Variants in CSGALNACT1 observed in about 807,000 individuals in gnomAD.
CSGALNACT1 encodes beta4GalNAcT-1.
CSGALNACT1 carries 52 observed loss-of-function variants against 51.0 expected under a neutral mutation model. That is an observed-to-expected ratio of 1.02 (90% CI 0.82 to 1.29). The LOEUF is 1.29. Ranked by LOEUF, CSGALNACT1 falls within the 50% of genes most tolerant of loss-of-function variation. The pLI, the probability that CSGALNACT1 is intolerant of heterozygous loss-of-function variation, is 0.00. For missense variants in CSGALNACT1, 935 were observed against 679.2 expected (o/e 1.38, Z -4.19); for synonymous variants, 341 against 254.4 (o/e 1.34, Z -3.24).
intron 4 of CSGALNACT1, among the ~76,000 whole-genome samples, chr8:19,481,960 C>CT (rs1318844432): frequency 3.3e-5 from 5 of 151,916 alleles, no homozygotes; most frequent in African/African-American, 9.7e-5. Flanking sequence ...GTGCAGGGGG[C>CT]TTTTTTTTCC....
At chr8:19,666,811 G>GAAAA (rs35734602) in intron 1 of CSGALNACT1, among the ~76,000 whole-genome samples, 2 of 26,412 alleles carry the variant, frequency 7.6e-5, no homozygotes, top group South Asian at 1.5e-3. Context: ...AAGAAAGAAA[G>GAAAA]AGAGAGAGAG....
At chr8:19,723,203 T>C (rs1426120350) in intron 1 of CSGALNACT1, among the ~76,000 whole-genome samples, 3 of 152,224 alleles carry the variant, frequency 2.0e-5, no homozygotes, top group African/African-American at 7.2e-5. Context: ...TCAGTCTTAT[T>C]TCCCTTATTT....
intron 1 of CSGALNACT1, among the ~76,000 whole-genome samples, chr8:19,750,722 G>T (rs2064976880): frequency 6.6e-6 from 1 of 152,178 alleles, no homozygotes; most frequent in Admixed American, 6.5e-5. Context: ...CTCCTGCACT[G>T]TCTTCACATC....
At chr8:19,418,164 T>G (rs1235105331) in intron 8 of CSGALNACT1, among the ~76,000 whole-genome samples, 1 of 152,138 alleles carries the variant, frequency 6.6e-6, no homozygotes, top group African/African-American at 2.4e-5. Context: ...AAGGGAACGG[T>G]GGCATGACGG....
chr8:19,731,010 A>C (rs1009358868), intron 1 of CSGALNACT1, among the ~76,000 whole-genome samples: 13 of 152,186 alleles, frequency 8.5e-5, no homozygotes, highest in African/African-American at 3.1e-4. Context: ...AGAATTAACC[A>C]GGACAGGGAT....
chr8:19,627,684 G>C (rs1014055766), intron 1 of CSGALNACT1, among the ~76,000 whole-genome samples: 4 of 152,072 alleles, frequency 2.6e-5, no homozygotes, highest in African/African-American at 9.7e-5. Context: ...AATTAGCCAG[G>C]TATGGTGGCA....
intron 1 of CSGALNACT1, among the ~76,000 whole-genome samples, chr8:19,637,501 G>A (rs2979875): frequency 1.3e-5 from 2 of 152,028 alleles, no homozygotes; most frequent in African/African-American, 2.4e-5. Context: ...TATTCCCCCC[G>A]AAGGCTGATA....
chr8:19,466,988 G>A (rs1377571634), intron 4 of CSGALNACT1, among the ~76,000 whole-genome samples: 1 of 151,742 alleles, frequency 6.6e-6, no homozygotes, highest in Non-Finnish European at 1.5e-5. Context: ...TGCATTTGTT[G>A]TGTATTTGTT....
At chr8:19,616,062 A>G (rs2154155829) in intron 1 of CSGALNACT1, among the ~76,000 whole-genome samples, 1 of 152,320 alleles carries the variant, frequency 6.6e-6, no homozygotes, top group East Asian at 1.9e-4. Context: ...AAATGCACCC[A>G]TTTAAAAAAA....
intron 1 of CSGALNACT1, among the ~76,000 whole-genome samples, chr8:19,754,951 A>G (rs2065264551): frequency 6.6e-6 from 1 of 152,198 alleles, no homozygotes; most frequent in African/African-American, 2.4e-5. Flanking sequence ...GCCCTAATAT[A>G]TAGTAGGGCT....
intron 1 of CSGALNACT1, among the ~76,000 whole-genome samples, chr8:19,723,518 G>A (rs990843314): frequency 6.6e-6 from 1 of 152,132 alleles, no homozygotes; most frequent in Non-Finnish European, 1.5e-5. Context: ...ATCAAAAGAA[G>A]AAAAAGGGAA....
At chr8:19,675,403 A>C (rs2060101493) in intron 1 of CSGALNACT1, among the ~76,000 whole-genome samples, 1 of 152,174 alleles carries the variant, frequency 6.6e-6, no homozygotes, top group Non-Finnish European at 1.5e-5. Context: ...TACAGAAATC[A>C]AAGAGGAAAA....
chr8:19,512,863 C>T (rs1208310634), intron 3 of CSGALNACT1, among the ~76,000 whole-genome samples: 1 of 152,194 alleles, frequency 6.6e-6, no homozygotes, highest in Non-Finnish European at 1.5e-5. Flanking sequence ...CAGAGGAACA[C>T]TGTTTCCAGA....
intron 6 of CSGALNACT1, among the ~76,000 whole-genome samples, chr8:19,433,948 G>C (rs533809073): frequency 2.0e-5 from 3 of 152,250 alleles, no homozygotes; most frequent in East Asian, 3.9e-4. Flanking sequence ...CCAGGCTGTG[G>C]TGATCACTGT....
intron 1 of CSGALNACT1, among the ~76,000 whole-genome samples, chr8:19,749,840 G>C (rs572926689): frequency 4.7e-4 from 72 of 152,272 alleles, no homozygotes; most frequent in African/African-American, 1.7e-3. Context: ...TTTTGACTTA[G>C]CTACTCACTG....
Position 19,730,034 on chromosome 8 carries a change from C to T in CSGALNACT1, c.-297+27816G>A, listed in dbSNP as rs570593173. Among the ~76,000 whole-genome samples the T allele has an allele frequency of 7.0e-4, 106 of 152,284 alleles. 1 individual carries two copies. Among genetic ancestry groups the T allele is most frequent in the East Asian group, 1.7e-3 (9 of 5,188 alleles). On this transcript the variant is annotated intron_variant, in intron 1 of 1. Transcript: ENST00000517494. ...GGGAGCGATCTCAGACAAAGGGTGA[C>T]AGTGGAGCCCACCAGACTAGAGACC...
intron 3 of CSGALNACT1, 38 bp from the exon 3 acceptor site, chr8:19,506,168 GACA>G (rs1359924078): frequency 3.8e-6 from 2 of 520,442 alleles, no homozygotes; most frequent in East Asian, 4.8e-5. Context: ...ACTTAATCAA[GACA>G]ACGACTCCCT....
rs893884302 is a variant in CSGALNACT1 at position 19,718,492 on chromosome 8, G to T, written c.-297+39358C>A. Among the ~76,000 whole-genome samples, 3 of 152,124 alleles carry T rather than the reference G, an allele frequency of 2.0e-5. No individual in the cohort carries two copies. The East Asian group carries it at 5.8e-4, about 29-fold the overall frequency. On this transcript the variant is annotated intron_variant, in intron 1 of 1. Coordinates refer to the CSGALNACT1 transcript ENST00000517494. ...AGTTCTTATGCTATAGCAACAAAACGCACAGTTGCAGCAAGTGAATCTGTG... is the reference window on the plus strand; with the variant it reads ...AGTTCTTATGCTATAGCAACAAAACTCACAGTTGCAGCAAGTGAATCTGTG...
At chr8:19,413,231 T>C (rs1312722105) in intron 8 of CSGALNACT1, among the ~76,000 whole-genome samples, 1 of 152,080 alleles carries the variant, frequency 6.6e-6, no homozygotes, top group Non-Finnish European at 1.5e-5. Flanking sequence ...GAACCTATCA[T>C]CTAAAACTAA....
Sources: allele counts gnomAD v4.1 joint callset (sites outside exome capture counted in the v4.1 genomes callset), GRCh38; gene constraint gnomAD v4.1.1; transcripts MANE v1.5; gene names NCBI Gene and HGNC (gene_info 2026-07-23, HGNC 2026-07-21).